Variants in ABITRAM observed in about 807,000 individuals in gnomAD.
ABITRAM encodes actin binding transcription modulator, also known as protein Abitram.
In ABITRAM, 19 loss-of-function variants were observed where a neutral mutation model predicts 22.9. The ratio of observed to expected loss-of-function variants is 0.83; its 90% confidence interval spans 0.58 to 1.22. The LOEUF (loss-of-function observed/expected upper bound fraction) is 1.22, where lower values mean the gene tolerates loss of function less well. Among genes scored for constraint, ABITRAM ranks in the 50% most tolerant of loss-of-function variants. The probability of loss-of-function intolerance (pLI) is 0.00; values close to 1 mark genes in which losing one functional copy is unlikely to be tolerated. For missense variants in ABITRAM, 215 were observed against 220.2 expected, an observed-to-expected ratio of 0.98 and a Z score of 0.15; for synonymous variants, 70 against 73.9, an observed-to-expected ratio of 0.95 and a Z score of 0.27.
rs147332575 is a variant in ABITRAM, at chr9:108,935,688, C to T, written c.130C>T (p.Arg44Ter). 2.5e-4 allele frequency: 397 copies of T among 1,611,934 alleles called. No individual in the cohort carries two copies. Among genetic ancestry groups the T allele is most frequent in the Non-Finnish European group, 3.2e-4 (375 of 1,178,462 alleles). ...CCACTGTATACTACAGCACTCTAAC[C>T]GGTAAGCAAATTGGGAATTTTAAAT... Reference protein sequence around the residue: ...EDHCILQHSNRICVITLAESH... With the variant: ...EDHCILQHSN The change falls in exon 2 of 6, where the codon CGA (arginine) becomes TGA (stop). Residue 44 changes from arginine to a stop codon, truncating the protein, a stop_gained and splice_region_variant. Coordinates refer to ENST00000322940, the MANE Select transcript of ABITRAM (RefSeq NM_017832.4). LOFTEE classifies it high-confidence loss of function.
chr9:108,939,507 T>A, intron 5 of ABITRAM, 42 bp from the exon 6 acceptor site: 1 of 1,605,080 alleles, frequency 6.2e-7, no homozygotes, highest in Non-Finnish European at 8.5e-7. Context: ...TATTGGTTTT[T>A]TTTTCATCGT....
intron 1 of ABITRAM, among the ~76,000 whole-genome samples, chr9:108,934,779 T>C (rs532799085): frequency 3.3e-5 from 5 of 152,216 alleles, no homozygotes; most frequent in African/African-American, 9.6e-5. Flanking sequence ...GGGCCGGCGA[T>C]TGCAGTGCGA....
Position 108,934,563 on chromosome 9 carries a change from C to T in ABITRAM, c.77C>T (p.Pro26Leu). Residue 26 changes from proline to leucine, a missense_variant and splice_region_variant, in exon 1 of 6, where the codon CCG becomes CTG. Pro to Leu is a moderately conservative substitution (Grantham distance 98). Coordinates refer to ENST00000322940, the MANE Select transcript of ABITRAM (RefSeq NM_017832.4). ...CGATACTTCACTCGCTGGTACAAAC[C>T]GGGTAAGTGCGGAGTGATGTTGATC... The part of the protein sequence containing the change: ...VDRYFTRWYK[P>L]DVKGKFCEDH... 1.9e-6 allele frequency: 3 copies of T among 1,602,158 alleles called. No individual in the cohort carries two copies. Among genetic ancestry groups the T allele is most frequent in the African/African-American group, 1.4e-5 (1 of 73,696 alleles).
chr9:108,935,586 A>G, intron 1 of ABITRAM, 52 bp from the exon 2 acceptor site: 1 of 1,350,658 alleles, frequency 7.4e-7, no homozygotes, highest in Non-Finnish European at 1.1e-6. Context: ...AGTACCACAT[A>G]GTGGTAGTAA....
downstream of ABITRAM, chr9:108,943,105 T>C (rs1040273945): frequency 2.1e-6 from 3 of 1,405,880 alleles, no homozygotes; most frequent in Non-Finnish European, 2.9e-6. Context: ...GACCTTACCA[T>C]TTATTTAGTT....
chr9:108,935,846 T>A, intron 2 of ABITRAM, 157 bp downstream of exon 2: 1 of 599,400 alleles, frequency 1.7e-6, no homozygotes, highest in South Asian at 2.1e-5. Flanking sequence ...TAGGAGTTTG[T>A]TTGGCAAGAA....
chr9:108,942,788 G>A (rs750982104), downstream of ABITRAM: 10 of 1,611,850 alleles, frequency 6.2e-6, no homozygotes, highest in African/African-American at 1.3e-5. Context: ...ACTATCCATA[G>A]TGTCCTTATT....
At chr9:108,939,520 G>A (rs1830230981) in intron 5 of ABITRAM, 29 bp from the exon 6 acceptor site, 1 of 1,605,632 alleles carries the variant, frequency 6.2e-7, no homozygotes, top group African/African-American at 1.3e-5. Context: ...TTCATCGTTT[G>A]ACAGTACTAA....
downstream of ABITRAM, among the ~76,000 whole-genome samples, chr9:108,942,417 TAAAG>T (rs1297860554): frequency 1.3e-5 from 2 of 152,224 alleles, no homozygotes; most frequent in East Asian, 3.8e-4. Flanking sequence ...ATCTAGATGA[TAAAG>T]AAAACAGTTA....
downstream of ABITRAM, among the ~76,000 whole-genome samples, chr9:108,943,312 C>G (rs901491073): frequency 1.3e-5 from 2 of 152,134 alleles, no homozygotes; most frequent in African/African-American, 2.4e-5. Context: ...TTAGGGGCTT[C>G]TCAAAACACT....
At chr9:108,947,452 A>G (rs748956367) in intron 3 of ABITRAM, among the ~76,000 whole-genome samples, 1 of 152,360 alleles carries the variant, frequency 6.6e-6, no homozygotes, top group Non-Finnish European at 1.5e-5. Context: ...GTACATGGGA[A>G]TGCCAAAGGA....
At chr9:108,935,906 A>T in intron 2 of ABITRAM, 1 of 559,630 alleles carries the variant, frequency 1.8e-6, no homozygotes, top group Non-Finnish European at 3.2e-6. Flanking sequence ...TGATTACTCA[A>T]ACATCCAAAT....
intron 1 of ABITRAM, 93 bp downstream of exon 1, chr9:108,934,658 C>G (rs1275342484): frequency 1.6e-6 from 2 of 1,240,260 alleles, no homozygotes; most frequent in Non-Finnish European, 2.2e-6. Context: ...CGCGCTCTCC[C>G]TGGCTCTCCG....
chr9:108,946,693 C>A (rs28361177), intron 3 of ABITRAM, among the ~76,000 whole-genome samples: 250 of 152,294 alleles, frequency 1.6e-3, no homozygotes, highest in South Asian at 2.9e-3. Flanking sequence ...TTGCTTTGTT[C>A]ACTTTTCTCC....
chr9:108,942,501 G>C (rs1830271238), downstream of ABITRAM: 1 of 477,318 alleles, frequency 2.1e-6, no homozygotes, highest in Non-Finnish European at 3.7e-6. Context: ...CCTTGAGACA[G>C]TTGGGATATT....
At chr9:108,944,641 T>C (rs924273676), downstream of ABITRAM, among the ~76,000 whole-genome samples, 4 of 152,180 alleles carry the variant, frequency 2.6e-5, no homozygotes, top group Non-Finnish European at 4.4e-5. Flanking sequence ...TAGCATATTA[T>C]GTTAAAATGG....
At position 108,939,502 on chromosome 9, in the gene ABITRAM, GT is replaced by G. The variant is rs556422185; in HGVS notation, c.409-38del. The G allele has an allele frequency of 1.2e-3, 1,960 of 1,589,934 alleles. 26 individuals are homozygous for G. The African/African-American group carries it at 0.023, about 19-fold the overall frequency. On this transcript the variant is annotated intron_variant, in intron 5 of 5. Transcript: ENST00000322940. ...GATCTCATCCACATACCTTTTATTG[GT>G]TTTTTTTTCATCGTTTGACAGTACT...
exon 4 of ABITRAM, chr9:108,950,657 C>T (rs747751359): frequency 2.8e-5 from 42 of 1,517,002 alleles, no homozygotes; most frequent in Non-Finnish European, 3.6e-5. Flanking sequence ...TGCTGCCTCA[C>T]CTATCCCATC....
Position 108,940,318 on chromosome 9 carries a change from T to C in ABITRAM, c.*632T>C, listed in dbSNP as rs1205164848. 1 of 152,176 alleles carries C rather than the reference T, an allele frequency of 6.6e-6. No individual in the cohort carries two copies. The highest frequency in any genetic ancestry group is 1.9e-4 in the East Asian group (1 of 5,198). 9.4% of individuals were successfully genotyped at this position (152,176 alleles called of 1,614,324 possible). On this transcript the variant is annotated 3_prime_UTR_variant, in exon 6 of 6. Transcript: ENST00000322940. Reference sequence around the variant, plus strand: ...GGATAACTACTACATTTTAACCTACTTCTGTTTGAACATATGGTATGGTTA... The same window carrying C: ...GGATAACTACTACATTTTAACCTACCTCTGTTTGAACATATGGTATGGTTA...
Sources: gnomAD v4.1 joint callset for allele counts (sites outside exome capture counted in the v4.1 genomes callset) on GRCh38, gnomAD v4.1.1 for gene constraint, MANE v1.5 for transcripts, NCBI Gene and HGNC (gene_info 2026-07-23, HGNC 2026-07-21) for gene names.